Variants in PDE2A observed in about 807,000 individuals in gnomAD.
PDE2A encodes cGMP-dependent 3',5'-cyclic phosphodiesterase.
PDE2A carries 53 observed loss-of-function variants against 133.6 expected under a neutral mutation model. That is an observed-to-expected ratio of 0.40 (90% CI 0.32 to 0.50). The LOEUF is 0.50. PDE2A is among the 20% of genes least tolerant of loss of function. The pLI, the probability that PDE2A is intolerant of heterozygous loss-of-function variation, is 0.73. For synonymous variants in PDE2A, 491 were observed against 490.2 expected, an observed-to-expected ratio of 1.00 and a Z score of -0.02; for missense variants, 796 against 1,232.4, an observed-to-expected ratio of 0.65 and a Z score of 5.30.
chr11:72,612,517 C>A lies in PDE2A; in HGVS notation c.145-3766G>T, dbSNP rs113501244. Among the ~76,000 whole-genome samples the A allele has an allele frequency of 1.3e-3, 195 of 152,292 alleles. 2 individuals are homozygous for A. Among genetic ancestry groups the A allele is most frequent in the African/African-American group, 3.4e-3 (143 of 41,546 alleles). ...ACTACAGAAGTTCTGTGTGGCCTTA[C>A]GCAACACCTTTCCTCTTCTGAGCCT... On this transcript the variant is annotated intron_variant, in intron 2 of 30. Coordinates refer to ENST00000334456, the MANE Select transcript of PDE2A (RefSeq NM_002599.5).
intron 1 of PDE2A, among the ~76,000 whole-genome samples, chr11:72,673,061 T>A (rs925664321): frequency 6.6e-6 from 1 of 151,916 alleles, no homozygotes; most frequent in South Asian, 2.1e-4. Context: ...AGAATACTTA[T>A]ACGCACACAG....
In PDE2A at chr11:72,590,839, G is replaced by A. The variant is rs1010280994; in HGVS notation, c.550-259C>T. The A allele has an allele frequency of 7.3e-6, 3 of 413,760 alleles. No individual in the cohort carries two copies. The highest frequency in any genetic ancestry group is 1.3e-5 in the Non-Finnish European group (3 of 236,724). 25.6% of individuals were successfully genotyped at this position (413,760 alleles called of 1,614,324 possible). ...ATCCCTAGCCCCTAGATTCTTCCAA[G>A]ACAAGATGTCAGATTTCTGTCTCCA... On this transcript the variant is annotated intron_variant, in intron 7 of 30. Coordinates refer to ENST00000334456, the MANE Select transcript of PDE2A (RefSeq NM_002599.5). This position sits in a 1 kb window ranked among gnomAD's most constrained non-coding sequence, Gnocchi z 4.8.
At chr11:72,650,622 G>A (rs1854711186) in intron 1 of PDE2A, among the ~76,000 whole-genome samples, 1 of 152,092 alleles carries the variant, frequency 6.6e-6, no homozygotes, top group Non-Finnish European at 1.5e-5. Context: ...GAACCTGGAG[G>A]GGCTGCTCTG....
intron 6 of PDE2A, among the ~76,000 whole-genome samples, chr11:72,592,585 G>T (rs1308740063): frequency 2.6e-5 from 4 of 152,210 alleles, no homozygotes; most frequent in Non-Finnish European, 4.4e-5. Context: ...ACCTTGAAGA[G>T]ACCAGGACAC....
At chr11:72,658,026 T>C (rs1303861061) in intron 1 of PDE2A, 2 of 456,098 alleles carry the variant, frequency 4.4e-6, no homozygotes, top group African/African-American at 4.0e-5. Context: ...CTGGCAGGCA[T>C]GTACCAGGCA....
chr11:72,634,218 C>T (rs1858567460), intron 2 of PDE2A, among the ~76,000 whole-genome samples: 1 of 152,242 alleles, frequency 6.6e-6, no homozygotes, highest in South Asian at 2.1e-4. Flanking sequence ...CGGGGAGGCA[C>T]ACTTCTGGCC....
intron 2 of PDE2A, among the ~76,000 whole-genome samples, chr11:72,626,305 C>T (rs1021496041): frequency 3.3e-5 from 5 of 152,364 alleles, no homozygotes; most frequent in Non-Finnish European, 7.4e-5. Flanking sequence ...CTGAGACCGC[C>T]TCCCTGGTCC....
chr11:72,645,036 T>A (rs934461724), intron 1 of PDE2A, among the ~76,000 whole-genome samples: 95 of 152,362 alleles, frequency 6.2e-4, no homozygotes, highest in African/African-American at 2.1e-3. Context: ...ATTACAGGTG[T>A]GAGCCACTGC....
rs77427942 is a variant in PDE2A, at chr11:72,587,181, G to A, written c.1071-1000C>T. 6.8e-3 allele frequency among the ~76,000 whole-genome samples: 1,030 copies of A among 152,160 alleles called. 14 individuals are homozygous for A. Among genetic ancestry groups the A allele is most frequent in the African/African-American group, 0.024 (983 of 41,504 alleles). The stretch of plus-strand genomic sequence containing the variant: ...ATGAGCTTCGAGTCTTATGAAATGG[G>A]GCCATGACTATATCACCCATGCCCA... On this transcript the variant is annotated intron_variant, in intron 13 of 30. Transcript: ENST00000334456.
chr11:72,604,414 G>A (rs1205960642), intron 4 of PDE2A, among the ~76,000 whole-genome samples: 1 of 152,166 alleles, frequency 6.6e-6, no homozygotes, highest in African/African-American at 2.4e-5. Flanking sequence ...GTATCAGGGG[G>A]CCAAGTGCCC....
chr11:72,654,967 C>T, intron 1 of PDE2A, among the ~76,000 whole-genome samples: 2 of 152,014 alleles, frequency 1.3e-5, no homozygotes, highest in East Asian at 3.9e-4. Context: ...GGGATGGTAG[C>T]AGCAGGCACA....
intron 2 of PDE2A, among the ~76,000 whole-genome samples, chr11:72,641,616 GC>G (rs1026115881): frequency 6.6e-5 from 10 of 152,164 alleles, no homozygotes; most frequent in African/African-American, 1.7e-4. Context: ...AAGAGGAGGG[GC>G]CCCCCACGAG....
intron 4 of PDE2A, among the ~76,000 whole-genome samples, chr11:72,599,879 A>G (rs550212588): frequency 1.3e-5 from 2 of 152,342 alleles, no homozygotes; most frequent in African/African-American, 4.8e-5. Flanking sequence ...GCTCTGCCAA[A>G]GGCAGGAAGA....
At chr11:72,629,347 C>T (rs1051508249) in intron 2 of PDE2A, among the ~76,000 whole-genome samples, 1 of 152,206 alleles carries the variant, frequency 6.6e-6, no homozygotes, top group Admixed American at 6.5e-5. Flanking sequence ...GCACAGTCCC[C>T]GTTGCCCAGG....
At chr11:72,592,759 G>A (rs1856309909) in intron 6 of PDE2A, among the ~76,000 whole-genome samples, 1 of 152,106 alleles carries the variant, frequency 6.6e-6, no homozygotes, top group African/African-American at 2.4e-5. Context: ...TCTGTGGGGT[G>A]TAGGGTGAAT....
At position 72,578,567 on chromosome 11, in the gene PDE2A, G is replaced by A; in HGVS notation, c.2470-53C>T. The A allele has an allele frequency of 1.4e-6, 2 of 1,471,138 alleles. No homozygotes were observed. The highest frequency in any genetic ancestry group is 1.9e-6 in the Non-Finnish European group (2 of 1,049,936). The allele number at this position is 1,471,138 out of a possible 1,614,324, so 91.1% of individuals were successfully genotyped here. On this transcript the variant is annotated intron_variant, in intron 28 of 30. Transcript: ENST00000334456. This position sits in a 1 kb window ranked among gnomAD's most constrained non-coding sequence, Gnocchi z 4.2. ...CTCTATGTAGGATACATCCACCCAA[G>A]CTCCTCTGACAGCCCGTTCCCAGGA... is the stretch of plus-strand genomic sequence containing the variant.
At chr11:72,669,269 A>G (rs1219007320) in intron 1 of PDE2A, among the ~76,000 whole-genome samples, 5 of 152,068 alleles carry the variant, frequency 3.3e-5, no homozygotes, top group African/African-American at 1.2e-4. Context: ...CCATCCAAAG[A>G]ATGAAAGCCC....
chr11:72,671,472 C>A (rs1396568041), intron 1 of PDE2A, among the ~76,000 whole-genome samples: 1 of 152,122 alleles, frequency 6.6e-6, no homozygotes, highest in Non-Finnish European at 1.5e-5. Flanking sequence ...TAAAGGACTG[C>A]TGGGAGCTCT....
chr11:72,664,791 C>T (rs7110834), intron 1 of PDE2A, among the ~76,000 whole-genome samples: 2,317 of 152,076 alleles, frequency 0.015, 52 homozygotes, highest in African/African-American at 0.053. Flanking sequence ...CCAGATCCCC[C>T]CTCACTGAGA....
Sources: allele counts gnomAD v4.1 joint callset (sites outside exome capture counted in the v4.1 genomes callset), GRCh38; gene constraint gnomAD v4.1.1; non-coding constraint Gnocchi (gnomAD v3.1); transcripts MANE v1.5; gene names NCBI Gene and HGNC (gene_info 2026-07-23, HGNC 2026-07-21).